MARCHF8: variants seen among roughly 807,000 people sequenced by gnomAD.
MARCHF8 encodes the protein E3 ubiquitin-protein ligase MARCHF8.
Under a neutral mutation model 51.6 loss-of-function variants are expected in MARCHF8, and 40 were observed. The ratio of observed to expected loss-of-function variants is 0.77; its 90% CI spans 0.60 to 1.01. The LOEUF is 1.01. Among genes scored for constraint, MARCHF8 ranks in the 50% least tolerant of loss-of-function variants. MARCHF8 has a pLI of 0.00. For synonymous variants in MARCHF8, 263 were observed against 280.3 expected (o/e 0.94, Z 0.62); for missense variants, 685 against 708.6 (o/e 0.97, Z 0.38).
chr10:45,539,596 C>T (rs992388810), upstream of MARCHF8, among the ~76,000 whole-genome samples: 1 of 151,942 alleles, frequency 6.6e-6, no homozygotes, highest in Admixed American at 6.6e-5. Flanking sequence ...GAAGAAAAGA[C>T]AGAAGAATCA....
chr10:45,583,278 T>C (rs570995447), intron 1 of MARCHF8, among the ~76,000 whole-genome samples: 2 of 152,212 alleles, frequency 1.3e-5, no homozygotes, highest in South Asian at 2.1e-4. Flanking sequence ...ACACCATTAG[T>C]GGGAGTACAG....
rs74794115 is a variant in MARCHF8, at chr10:45,503,536, CAAAT to C, written c.103-14123_103-14120del. Among the ~76,000 whole-genome samples the C allele has an allele frequency of 8.1e-3, 1,173 of 144,936 alleles. 11 individuals carry two copies. Among genetic ancestry groups the C allele is most frequent in the Non-Finnish European group, 0.011 (758 of 66,396 alleles). On this transcript the variant is annotated intron_variant, in intron 2 of 7. Transcript: ENST00000453424. The stretch of plus-strand genomic sequence containing the variant: ...CTGGCGACAGAACGAGACTCCGTCT[CAAAT>C]AAATAAATAAATAAATAAATAAATA...
intron 1 of MARCHF8, among the ~76,000 whole-genome samples, chr10:45,590,975 C>A (rs1006405595): frequency 3.9e-5 from 6 of 152,212 alleles, no homozygotes; most frequent in Admixed American, 3.9e-4. Flanking sequence ...TTCTGCCCCA[C>A]CCTAACTGAT....
At position 45,458,149 on chromosome 10, in the gene MARCHF8, T is replaced by C; in HGVS notation, c.*90A>G. 5 of 1,303,768 alleles carry C rather than the reference T, an allele frequency of 3.8e-6. 1 individual carries two copies. The highest frequency in any genetic ancestry group is 1.4e-5 in the South Asian group (1 of 69,612). 80.8% of individuals were successfully genotyped at this position (1,303,768 alleles called of 1,614,324 possible). A position where few individuals can be genotyped will look rare whatever the true frequency, so the allele number is the denominator to read the frequency against. On this transcript the variant is annotated 3_prime_UTR_variant, in exon 8 of 8. Transcript: ENST00000453424. ...ATAGTCACCTGTCCAGTCTATGCTA[T>C]TAAAGGACATAAGAAAGGTATACAA... is the stretch of plus-strand genomic sequence containing the variant.
chr10:45,529,500 C>T (rs1431597067), intron 2 of MARCHF8, among the ~76,000 whole-genome samples: 1 of 152,102 alleles, frequency 6.6e-6, no homozygotes, highest in Admixed American at 6.6e-5. Context: ...AAAGCTTCTA[C>T]ACAGCAAATA....
chr10:45,510,048 A>G (rs974993243), intron 2 of MARCHF8, among the ~76,000 whole-genome samples: 1 of 152,194 alleles, frequency 6.6e-6, no homozygotes, highest in Non-Finnish European at 1.5e-5. Flanking sequence ...GAGAAGACAG[A>G]ATGGGATAGA....
At chr10:45,547,923 AG>A (rs1210612369) in intron 1 of MARCHF8, among the ~76,000 whole-genome samples, 1 of 152,228 alleles carries the variant, frequency 6.6e-6, no homozygotes, top group Non-Finnish European at 1.5e-5. Flanking sequence ...TCAAATAGTT[AG>A]GTCGAATTCA....
At chr10:45,459,779 C>T (rs1842727752) in intron 6 of MARCHF8, 3 of 985,390 alleles carry the variant, frequency 3.0e-6, no homozygotes, top group South Asian at 9.4e-5. Context: ...AGCTCGAAAT[C>T]GACGCTAAGA....
At chr10:45,543,101 T>G (rs1224039981) in intron 1 of MARCHF8, among the ~76,000 whole-genome samples, 1 of 152,232 alleles carries the variant, frequency 6.6e-6, no homozygotes, top group Non-Finnish European at 1.5e-5. Flanking sequence ...GCCTAAAAAT[T>G]GTTTTGCAGC....
At chr10:45,543,467 CTG>C (rs892015884) in intron 1 of MARCHF8, among the ~76,000 whole-genome samples, 2 of 152,116 alleles carry the variant, frequency 1.3e-5, no homozygotes, top group African/African-American at 4.8e-5. Flanking sequence ...AAGCCACCGA[CTG>C]GGGGAAAAAT....
At chr10:45,487,105 C>T (rs2042994958) in intron 3 of MARCHF8, among the ~76,000 whole-genome samples, 1 of 152,136 alleles carries the variant, frequency 6.6e-6, no homozygotes. Flanking sequence ...GCCACCACGC[C>T]TGGCTTACCC....
Position 45,463,875 on chromosome 10 carries a change from C to A in MARCHF8, c.364G>T (p.Asp122Tyr). 1 of 1,538,088 alleles carries A rather than the reference C, an allele frequency of 6.5e-7. No homozygotes were observed. The highest frequency in any genetic ancestry group is 2.4e-5 in the East Asian group (1 of 40,918). Residue 122 changes from aspartate to tyrosine, a missense_variant, in exon 5 of 8, where the codon GAC (aspartate) becomes TAC (tyrosine). Physicochemically the swap from Asp to Tyr is radical, Grantham distance 160. Coordinates refer to ENST00000453424, the MANE Select transcript of MARCHF8 (RefSeq NM_001282866.2). ...QGLTVTVICK[D>Y]TLQASKRNSF... ...TTTCTCTTTGACGCCTGTAATGTGT[C>A]CTTACAGATAACTGTCACAGTGAGC...
intron 1 of MARCHF8, among the ~76,000 whole-genome samples, chr10:45,571,375 C>T (rs1051880959): frequency 7.9e-5 from 12 of 152,152 alleles, no homozygotes; most frequent in South Asian, 2.1e-4. Flanking sequence ...CTTGTGACCC[C>T]GACCCCTGCC....
intron 2 of MARCHF8, among the ~76,000 whole-genome samples, chr10:45,499,954 T>C (rs1423625383): frequency 6.6e-6 from 1 of 152,232 alleles, no homozygotes; most frequent in Non-Finnish European, 1.5e-5. Context: ...GACAGATTTA[T>C]CTATTTCTGT....
chr10:45,547,074 G>A (rs2044135264), intron 1 of MARCHF8, among the ~76,000 whole-genome samples: 2 of 151,976 alleles, frequency 1.3e-5, no homozygotes, highest in South Asian at 4.1e-4. Flanking sequence ...AAAAAATTCA[G>A]ATCATTACTA....
intron 1 of MARCHF8, among the ~76,000 whole-genome samples, chr10:45,593,028 T>A (rs1314768008): frequency 1.3e-5 from 2 of 152,186 alleles, no homozygotes; most frequent in Non-Finnish European, 2.9e-5. Flanking sequence ...TCCAATTTCC[T>A]CATTTTTCAG....
intron 2 of MARCHF8, among the ~76,000 whole-genome samples, chr10:45,505,947 T>C (rs1164189807): frequency 6.6e-6 from 1 of 152,250 alleles, no homozygotes; most frequent in Non-Finnish European, 1.5e-5. Context: ...ATTGAAGTCA[T>C]AAACTCTTTC....
At chr10:45,594,530 G>C (rs1325610722) in exon 1 of MARCHF8, 3 of 152,270 alleles carry the variant, frequency 2.0e-5, no homozygotes, top group African/African-American at 7.2e-5. Flanking sequence ...CCCACTGCCT[G>C]GAGTCGCGCT....
At chr10:45,582,263 T>C (rs2044564147) in intron 1 of MARCHF8, among the ~76,000 whole-genome samples, 1 of 152,192 alleles carries the variant, frequency 6.6e-6, no homozygotes, top group Non-Finnish European at 1.5e-5. Flanking sequence ...AGGAATTAAC[T>C]GTTAGGAGTG....
Sources: gnomAD v4.1 joint callset for allele counts (sites outside exome capture counted in the v4.1 genomes callset) on GRCh38, gnomAD v4.1.1 for gene constraint, MANE v1.5 for transcripts, NCBI Gene and HGNC (gene_info 2026-07-23, HGNC 2026-07-21) for gene names.